ZNF527: variants seen among roughly 807,000 people sequenced by gnomAD.
ZNF527 encodes zinc finger protein 527.
Under a neutral mutation model 13.5 loss-of-function variants are expected in ZNF527, and 5 were observed. The observed-to-expected ratio is 0.37, with a 90% CI of 0.19 to 0.78. ZNF527 has a LOEUF of 0.78. Among genes scored for constraint, ZNF527 ranks in the 30% least tolerant of loss-of-function variants. The pLI, the probability that ZNF527 is intolerant of heterozygous loss-of-function variation, is 0.48. For missense variants in ZNF527, 628 were observed against 726.4 expected (o/e 0.86, Z 1.56); for synonymous variants, 209 against 243.1 (o/e 0.86, Z 1.30).
intron 3 of ZNF527, 148 bp downstream of exon 3, chr19:37,379,394 A>T: frequency 1.5e-6 from 1 of 662,802 alleles, no homozygotes; most frequent in Non-Finnish European, 2.3e-6. Context: ...TTTGAAATAT[A>T]TATTTGCTTA....
At position 37,392,154 on chromosome 19, in the gene ZNF527, T is replaced by C. The variant is rs2040760081; in HGVS notation, c.*2275T>C. The C allele has an allele frequency of 6.6e-6, 1 of 152,208 alleles. No individual in the cohort carries two copies. Among genetic ancestry groups the C allele is most frequent in the African/African-American group, 2.4e-5 (1 of 41,460 alleles). The allele number at this position is 152,208 out of a possible 1,614,324, so 9.4% of individuals were successfully genotyped here. A position where few individuals can be genotyped will look rare whatever the true frequency, so the allele number is the denominator to read the frequency against. On this transcript the variant is annotated 3_prime_UTR_variant, in exon 5 of 5. Coordinates refer to ENST00000436120, the MANE Select transcript of ZNF527 (RefSeq NM_032453.2). ...TGATTATAAAATATTTCCAAACTTA[T>C]GTTACATCTAATCTGAAACATATTA...
At chr19:37,379,307 G>A (rs996560152) in intron 3 of ZNF527, 61 bp downstream of exon 3, 5 of 1,515,200 alleles carry the variant, frequency 3.3e-6, no homozygotes, top group Non-Finnish European at 3.5e-6. Context: ...TGCTTCCTCT[G>A]TTGAGAATAT....
intron 4 of ZNF527, among the ~76,000 whole-genome samples, chr19:37,387,233 A>G (rs2146822056): frequency 6.6e-6 from 1 of 152,318 alleles, no homozygotes; most frequent in Non-Finnish European, 1.5e-5. Flanking sequence ...CTAAACATGA[A>G]AATGTCTCTG....
At chr19:37,372,467 C>CTTTTTTTTTTTT (rs1022024971) in intron 1 of ZNF527, among the ~76,000 whole-genome samples, 25 of 65,648 alleles carry the variant, frequency 3.8e-4, no homozygotes, top group African/African-American at 6.9e-4. Flanking sequence ...CTTTTCTTTT[C>CTTTTTTTTTTTT]TTTTTTTTTT....
In ZNF527 at chr19:37,389,088, C is replaced by T. The variant is rs756086479; in HGVS notation, c.1039C>T (p.Gln347Ter). Reference protein sequence around the residue: ...KAFRQSAHLAQHQRIHTGEKP... With the variant: ...KAFRQSAHLA ...TTTCAGACAGAGTGCTCACCTTGCT[C>T]AACATCAGAGGATCCACACTGGAGA... Residue 347 changes from glutamine to a stop codon, truncating the protein, a stop_gained, in exon 5 of 5, where the codon CAA becomes TAA. Coordinates refer to ENST00000436120, the MANE Select transcript of ZNF527 (RefSeq NM_032453.2). LOFTEE classifies it low-confidence loss of function (END_TRUNC). 2 of 1,614,168 alleles carry T rather than the reference C, an allele frequency of 1.2e-6. No individual in the cohort carries two copies. Among genetic ancestry groups the T allele is most frequent in the South Asian group, 2.2e-5 (2 of 91,078 alleles).
At chr19:37,376,101 C>T (rs1464936515) in intron 2 of ZNF527, among the ~76,000 whole-genome samples, 1 of 151,928 alleles carries the variant, frequency 6.6e-6, no homozygotes, top group African/African-American at 2.4e-5. Flanking sequence ...GCCAAGATGG[C>T]GGGACCATCG....
At chr19:37,387,001 G>A (rs932101496) in intron 4 of ZNF527, among the ~76,000 whole-genome samples, 11 of 152,104 alleles carry the variant, frequency 7.2e-5, no homozygotes, top group African/African-American at 2.4e-4. Flanking sequence ...AATCCAAGGC[G>A]GTATATAGGA....
At position 37,392,545 on chromosome 19, in the gene ZNF527, A is replaced by G. The variant is rs898525171; in HGVS notation, c.*2666A>G. 2.0e-5 allele frequency: 3 copies of G among 151,994 alleles called. No individual in the cohort carries two copies. Among genetic ancestry groups the G allele is most frequent in the African/African-American group, 7.3e-5 (3 of 41,376 alleles). The allele number at this position is 151,994 out of a possible 1,614,324, so 9.4% of individuals were successfully genotyped here. A position where few individuals can be genotyped will look rare whatever the true frequency, so the allele number is the denominator to read the frequency against. ...GCTGGGACTACAGGTGTGCTCTACC[A>G]CACCTGGCTAAGTTTCGCGTTTTTC... On this transcript the variant is annotated 3_prime_UTR_variant, in exon 5 of 5. Coordinates refer to ENST00000436120, the MANE Select transcript of ZNF527 (RefSeq NM_032453.2).
At chr19:37,378,969 A>C (rs1485963771) in intron 2 of ZNF527, 151 bp from the exon 3 acceptor site, 2 of 809,710 alleles carry the variant, frequency 2.5e-6, no homozygotes, top group Non-Finnish European at 3.7e-6. Context: ...CTCTTCTCTT[A>C]AAGTATTTGA....
At chr19:37,385,755 C>T (rs75428800) in intron 4 of ZNF527, 5,067 of 155,750 alleles carry the variant, frequency 0.033, 100 homozygotes, top group South Asian at 0.083. Context: ...AGAAGAATTT[C>T]GTAACATTTT....
At position 37,388,842 on chromosome 19, in the gene ZNF527, C is replaced by T; in HGVS notation, c.793C>T (p.Gln265Ter). The T allele has an allele frequency of 6.2e-7, 1 of 1,614,144 alleles. No homozygotes were observed. The highest frequency in any genetic ancestry group is 8.5e-7 in the Non-Finnish European group (1 of 1,180,026). The change falls in exon 5 of 5, where the codon CAG (glutamine) becomes TAG (stop). Residue 265 changes from glutamine to a stop codon, truncating the protein, a stop_gained. Transcript: ENST00000436120. LOFTEE classifies it low-confidence loss of function (END_TRUNC). ...TTTCCACTCATTATTTACTCAACAT[C>T]AGACCACTCATTTTGGAAAATTACC... is the stretch of plus-strand genomic sequence containing the variant. ...LSFHSLFTQH[Q>*]TTHFGKLPHG...
intron 4 of ZNF527, among the ~76,000 whole-genome samples, chr19:37,382,654 TG>T (rs1327155505): frequency 1.3e-5 from 2 of 152,230 alleles, no homozygotes; most frequent in Non-Finnish European, 2.9e-5. Context: ...AGTCTTATAG[TG>T]TCCAGTCAAA....
At chr19:37,372,467 C>CTTTTTTTTTTTTTTTTT (rs1022024971) in intron 1 of ZNF527, among the ~76,000 whole-genome samples, 12 of 65,658 alleles carry the variant, frequency 1.8e-4, no homozygotes, top group East Asian at 4.9e-4. Context: ...CTTTTCTTTT[C>CTTTTTTTTTTTTTTTTT]TTTTTTTTTT....
intron 4 of ZNF527, among the ~76,000 whole-genome samples, chr19:37,384,179 G>C (rs543674060): frequency 1.3e-5 from 2 of 152,096 alleles, no homozygotes; most frequent in African/African-American, 4.8e-5. Flanking sequence ...TTAGCTGGGC[G>C]TGGTGGTGTG....
Position 37,390,024 on chromosome 19 carries a change from A to G in ZNF527, c.*145A>G. 9.6e-7 allele frequency: 1 copy of G among 1,045,726 alleles called. No homozygotes were observed. The highest frequency in any genetic ancestry group is 1.3e-6 in the Non-Finnish European group (1 of 753,824). 64.8% of individuals were successfully genotyped at this position (1,045,726 alleles called of 1,614,324 possible). On this transcript the variant is annotated 3_prime_UTR_variant, in exon 5 of 5. Coordinates refer to ENST00000436120, the MANE Select transcript of ZNF527 (RefSeq NM_032453.2). ...GTTATTTGAAGTAGCTCAGTAGTAG[A>G]CATCTGTTACTTTTTTTTTTTTCAG...
chr19:37,384,815 C>A, intron 4 of ZNF527: 1 of 616,950 alleles, frequency 1.6e-6, no homozygotes, highest in South Asian at 1.8e-5. Flanking sequence ...TAAAGTTTTT[C>A]TCTTCTGTGA....
chr19:37,392,996 G>T lies in ZNF527; in HGVS notation c.*3117G>T, dbSNP rs939918838. ...TTGATTGTTATTAGGACCATCTAGAGATTTCTGTTTATGTGTGTGTATGTG... is the reference window on the plus strand; with the variant it reads ...TTGATTGTTATTAGGACCATCTAGATATTTCTGTTTATGTGTGTGTATGTG... On this transcript the variant is annotated 3_prime_UTR_variant, in exon 5 of 5. Coordinates refer to ENST00000436120, the MANE Select transcript of ZNF527 (RefSeq NM_032453.2). The T allele has an allele frequency of 1.3e-5, 2 of 152,068 alleles. No homozygotes were observed. The highest frequency in any genetic ancestry group is 4.8e-5 in the African/African-American group (2 of 41,402). The allele number at this position is 152,068 out of a possible 1,614,324, so 9.4% of individuals were successfully genotyped here.
chr19:37,379,134 C>T lies in ZNF527; in HGVS notation c.48C>T (p.Phe16=). The change falls in exon 3 of 5, where the codon TTC becomes TTT. Residue 16 remains phenylalanine, a synonymous_variant. Transcript: ENST00000436120. ...TTTTATTTCAGGGGTTGGTGACCTTCAGAGATGTGGCGCTAGACTTTTCCC... is the reference window on the plus strand; with the variant it reads ...TTTTATTTCAGGGGTTGGTGACCTTTAGAGATGTGGCGCTAGACTTTTCCC... The part of the protein sequence containing the change: ...CKAMSQGLVT[F]RDVALDFSQE... The T allele has an allele frequency of 6.2e-7, 1 of 1,614,088 alleles. No homozygotes were observed.
chr19:37,372,467 C>CTTTTCT (rs2040566281), intron 1 of ZNF527, among the ~76,000 whole-genome samples: 7 of 65,656 alleles, frequency 1.1e-4, no homozygotes, highest in South Asian at 6.6e-4. Context: ...CTTTTCTTTT[C>CTTTTCT]TTTTTTTTTT....
Sources: gnomAD v4.1 joint callset for allele counts (sites outside exome capture counted in the v4.1 genomes callset) on GRCh38, gnomAD v4.1.1 for gene constraint, MANE v1.5 for transcripts, NCBI Gene and HGNC (gene_info 2026-07-23, HGNC 2026-07-21) for gene names.